The following ROCK2 variants were observed in gnomAD, a reference collection of about 807,000 sequenced individuals.
ROCK2 encodes the protein rho-associated protein kinase 2.
ROCK2 carries 61 observed loss-of-function variants against 195.1 expected under a neutral mutation model. That is an observed-to-expected ratio of 0.31 (90% confidence interval 0.25 to 0.39). The LOEUF is 0.39. ROCK2 is among the 10% of genes least tolerant of loss of function. The pLI is 1.00. For missense variants in ROCK2, 1,109 were observed against 1,637.4 expected, an observed-to-expected ratio of 0.68 and a Z score of 5.57; for synonymous variants, 504 against 545.5, an observed-to-expected ratio of 0.92 and a Z score of 1.06.
chr2:11,322,157 G>C (rs1668419449), intron 1 of ROCK2, among the ~76,000 whole-genome samples: 1 of 152,002 alleles, frequency 6.6e-6, no homozygotes, highest in South Asian at 2.1e-4. Flanking sequence ...CCAGGCTCCA[G>C]AACTTTGAGA....
intron 3 of ROCK2, among the ~76,000 whole-genome samples, chr2:11,267,074 A>T (rs1666443427): frequency 6.6e-6 from 1 of 152,246 alleles, no homozygotes; most frequent in African/African-American, 2.4e-5. Flanking sequence ...TTAAGACATG[A>T]TAAATCAAGG....
intron 2 of ROCK2, among the ~76,000 whole-genome samples, chr2:11,287,044 G>A (rs747098671): frequency 1.7e-4 from 26 of 152,164 alleles, no homozygotes; most frequent in African/African-American, 1.9e-4. Context: ...TCTGAAAAGT[G>A]GTAATCATAC....
At chr2:11,213,144 G>A (rs986110321) in intron 17 of ROCK2, among the ~76,000 whole-genome samples, 4 of 152,068 alleles carry the variant, frequency 2.6e-5, no homozygotes, top group Admixed American at 2.0e-4. Context: ...TTTAATGGCT[G>A]TACTAAGTCT....
chr2:11,186,879 GA>G (rs1663218533), intron 32 of ROCK2, among the ~76,000 whole-genome samples: 1 of 152,136 alleles, frequency 6.6e-6, no homozygotes. Flanking sequence ...TCCTCAGGCA[GA>G]ATTCTCCATG....
intron 3 of ROCK2, among the ~76,000 whole-genome samples, chr2:11,259,017 C>G (rs1213439754): frequency 6.6e-6 from 1 of 151,046 alleles, no homozygotes; most frequent in Non-Finnish European, 1.5e-5. Context: ...TGCATGTGCC[C>G]AGAGGGGAAG....
intron 4 of ROCK2, among the ~76,000 whole-genome samples, chr2:11,248,214 T>TGG (rs201001496): frequency 2.2e-5 from 2 of 88,958 alleles, no homozygotes; most frequent in African/African-American, 4.6e-5. Context: ...GGGTTTTTTT[T>TGG]GGGGGGGGAT....
At chr2:11,267,518 A>C (rs908418222) in intron 3 of ROCK2, among the ~76,000 whole-genome samples, 2 of 151,712 alleles carry the variant, frequency 1.3e-5, no homozygotes, top group Non-Finnish European at 2.9e-5. Flanking sequence ...AAAAAAAAAA[A>C]ACCAAAAACC....
At position 11,317,599 on chromosome 2, in the gene ROCK2, TATATATATATATA is replaced by T. The variant is rs1311687170; in HGVS notation, c.141+26384_141+26396del. ...ATTTATATATATATATATATATATA[TATATATATATATA>T]TTTTTTTTTTTTTTTAATTATACTT... On this transcript the variant is annotated intron_variant, in intron 1 of 32. Coordinates refer to ENST00000315872, the MANE Select transcript of ROCK2 (RefSeq NM_004850.5). Among the ~76,000 whole-genome samples, 149 of 17,372 alleles carry T rather than the reference TATATATATATATA, an allele frequency of 8.6e-3. 11 individuals are homozygous for T. The highest frequency in any genetic ancestry group is 0.024 in the East Asian group (3 of 126). The allele number at this position is 17,372 out of a possible 152,430, so 11.4% of individuals were successfully genotyped here.
In ROCK2 at chr2:11,286,668, A is replaced by G. The variant is rs374797670; in HGVS notation, c.224-29T>C. Reference sequence around the variant, plus strand: ...CCATAAAAAGATCACCATACTTATAATATCAATCATATTTATATTTTTACA... The same window carrying G: ...CCATAAAAAGATCACCATACTTATAGTATCAATCATATTTATATTTTTACA... On this transcript the variant is annotated intron_variant, in intron 2 of 32. Coordinates refer to ENST00000315872, the MANE Select transcript of ROCK2 (RefSeq NM_004850.5). 6.7e-5 allele frequency: 74 copies of G among 1,098,520 alleles called. 1 individual carries two copies. The African/African-American group carries it at 7.7e-4, about 11-fold the overall frequency. The allele number at this position is 1,098,520 out of a possible 1,614,324, so 68.0% of individuals were successfully genotyped here.
At chr2:11,232,014 C>A (rs1034263233) in intron 5 of ROCK2, among the ~76,000 whole-genome samples, 8 of 151,962 alleles carry the variant, frequency 5.3e-5, no homozygotes, top group Non-Finnish European at 1.2e-4. Context: ...ACATATTTTT[C>A]TTCTTTTTTT....
intron 4 of ROCK2, among the ~76,000 whole-genome samples, chr2:11,240,772 A>C (rs1665396205): frequency 6.6e-6 from 1 of 152,236 alleles, no homozygotes; most frequent in Admixed American, 6.5e-5. Context: ...TGCAAATTAT[A>C]CCTCATAAAG....
chr2:11,308,523 TACTC>T, intron 1 of ROCK2: 11 of 1,549,982 alleles, frequency 7.1e-6, no homozygotes, highest in South Asian at 1.1e-5. Context: ...GGAATGACAT[TACTC>T]ACTATCAGAA....
At chr2:11,289,242 C>G (rs1312803522) in intron 1 of ROCK2, among the ~76,000 whole-genome samples, 2 of 152,100 alleles carry the variant, frequency 1.3e-5, no homozygotes, top group African/African-American at 2.4e-5. Context: ...GAGACATACC[C>G]TCCCACACAC....
In ROCK2 at chr2:11,216,217, T is replaced by C; in HGVS notation, c.1413-11A>G. ...CGAGTATTAACAGATCTAAAGAATT[T>C]CAGAAAGAAACAGTAAATAACTTCT... On this transcript the variant is annotated splice_polypyrimidine_tract_variant and intron_variant, in intron 12 of 32. Transcript: ENST00000315872. The C allele has an allele frequency of 1.9e-6, 3 of 1,590,772 alleles. No homozygotes were observed. Among genetic ancestry groups the C allele is most frequent in the Non-Finnish European group, 1.7e-6 (2 of 1,159,844 alleles).
intron 4 of ROCK2, among the ~76,000 whole-genome samples, chr2:11,238,439 T>C (rs1665304373): frequency 1.3e-5 from 2 of 152,158 alleles, no homozygotes; most frequent in Non-Finnish European, 2.9e-5. Flanking sequence ...AAGCAGGTCC[T>C]AAAATTTATT....
Position 11,227,375 on chromosome 2 carries a change from T to C in ROCK2, c.747A>G (p.Thr249=). Residue 249 remains threonine, a synonymous_variant, in exon 6 of 33, where the codon ACA becomes ACG. Transcript: ENST00000315872. ...MDETGMVHCD[T]AVGTPDYISP... Reference sequence around the variant, plus strand: ...ATATATAATCCGGTGTTCCAACTGCTGTATCACAATGTACCATGCCTGTCT... The same window carrying C: ...ATATATAATCCGGTGTTCCAACTGCCGTATCACAATGTACCATGCCTGTCT... 3 of 1,613,614 alleles carry C rather than the reference T, an allele frequency of 1.9e-6. No individual in the cohort carries two copies. The highest frequency in any genetic ancestry group is 2.5e-6 in the Non-Finnish European group (3 of 1,179,698).
intron 4 of ROCK2, among the ~76,000 whole-genome samples, 155 bp from the exon 5 acceptor site, chr2:11,236,117 C>A (rs547467383): frequency 6.6e-6 from 1 of 151,976 alleles, no homozygotes; most frequent in East Asian, 1.9e-4. Flanking sequence ...TAGACTCAGG[C>A]GTATGTAATG....
intron 3 of ROCK2, among the ~76,000 whole-genome samples, chr2:11,278,227 T>G (rs2148179194): frequency 6.6e-6 from 1 of 152,332 alleles, no homozygotes; most frequent in East Asian, 1.9e-4. Context: ...GACAAAGATC[T>G]CCCTAGCTGC....
At chr2:11,340,044 T>C (rs756346125) in intron 1 of ROCK2, among the ~76,000 whole-genome samples, 1 of 152,228 alleles carries the variant, frequency 6.6e-6, no homozygotes, top group Non-Finnish European at 1.5e-5. Context: ...GGTTTCAAGA[T>C]AATTATCCAC....
Sources: allele counts gnomAD v4.1 joint callset (sites outside exome capture counted in the v4.1 genomes callset), GRCh38; gene constraint gnomAD v4.1.1; transcripts MANE v1.5; gene names NCBI Gene and HGNC (gene_info 2026-07-23, HGNC 2026-07-21).